Variants in CRYL1 observed in about 807,000 individuals in gnomAD.
CRYL1 encodes the protein crystallin lambda 1, also known as lambda-crystallin homolog.
Under a neutral mutation model 36.6 loss-of-function variants are expected in CRYL1, and 29 were observed. That is an observed-to-expected ratio of 0.79 (90% CI 0.59 to 1.08). CRYL1 has a LOEUF of 1.08. Ranked by LOEUF, CRYL1 falls within the 50% of genes least tolerant of loss-of-function variation. The pLI is 0.00. For synonymous variants in CRYL1, 152 were observed against 151.5 expected, an observed-to-expected ratio of 1.00 and a Z score of -0.02; for missense variants, 411 against 407.9, an observed-to-expected ratio of 1.01 and a Z score of -0.06.
chr13:20,484,407 A>T (rs1224425609), intron 3 of CRYL1, among the ~76,000 whole-genome samples: 1 of 152,182 alleles, frequency 6.6e-6, no homozygotes, highest in Non-Finnish European at 1.5e-5. Context: ...TTTGCCATCA[A>T]ATGGTGACTA....
At chr13:20,409,042 G>T (rs928778524) in intron 6 of CRYL1, among the ~76,000 whole-genome samples, 1 of 152,148 alleles carries the variant, frequency 6.6e-6, no homozygotes, top group African/African-American at 2.4e-5. Flanking sequence ...GCATCACCAA[G>T]TCAGTCCTAA....
intron 3 of CRYL1, among the ~76,000 whole-genome samples, chr13:20,475,024 C>T (rs2033137020): frequency 6.6e-6 from 1 of 152,212 alleles, no homozygotes. Flanking sequence ...CTCCTTCACC[C>T]TCCAACACCC....
chr13:20,430,282 G>A (rs760447570), intron 5 of CRYL1: 15 of 985,146 alleles, frequency 1.5e-5, no homozygotes, highest in African/African-American at 3.5e-5. Flanking sequence ...ACCTCTTCCT[G>A]TTCTGTCACA....
intron 6 of CRYL1, among the ~76,000 whole-genome samples, chr13:20,411,454 T>C (rs2137364835): frequency 6.6e-6 from 1 of 152,302 alleles, no homozygotes; most frequent in African/African-American, 2.4e-5. Flanking sequence ...CTATTTCTTA[T>C]GATTCCTCAA....
intron 3 of CRYL1, among the ~76,000 whole-genome samples, chr13:20,486,696 G>C (rs2033407440): frequency 6.6e-6 from 1 of 152,118 alleles, no homozygotes. Context: ...CTACATAATA[G>C]ATATGGCTCA....
At chr13:20,442,917 A>G (rs2032378581) in intron 3 of CRYL1, among the ~76,000 whole-genome samples, 1 of 152,182 alleles carries the variant, frequency 6.6e-6, no homozygotes, top group South Asian at 2.1e-4. Context: ...ACAACTTCCT[A>G]GTTCTCACAA....
intron 6 of CRYL1, among the ~76,000 whole-genome samples, chr13:20,408,125 G>A (rs994881667): frequency 9.2e-5 from 14 of 152,162 alleles, no homozygotes; most frequent in East Asian, 3.8e-4. Flanking sequence ...AGCACAGAGC[G>A]ACATTATCTC....
chr13:20,421,610 C>T (rs1207525500), intron 5 of CRYL1, among the ~76,000 whole-genome samples: 1 of 152,144 alleles, frequency 6.6e-6, no homozygotes, highest in Non-Finnish European at 1.5e-5. Context: ...CCTCTCTTCT[C>T]TTTGCCTTTT....
At chr13:20,470,965 T>A (rs777839447) in intron 3 of CRYL1, among the ~76,000 whole-genome samples, 7 of 149,962 alleles carry the variant, frequency 4.7e-5, no homozygotes, top group Non-Finnish European at 1.0e-4. Flanking sequence ...GAAGAATCTT[T>A]CTTTAAAAAA....
At chr13:20,476,881 GC>G (rs2033177183) in intron 3 of CRYL1, 1 of 152,364 alleles carries the variant, frequency 6.6e-6, no homozygotes, top group South Asian at 2.1e-4. Flanking sequence ...CTGGGTGTAG[GC>G]CGGGTGCGGT....
chr13:20,477,637 C>T (rs1396845169), intron 3 of CRYL1, among the ~76,000 whole-genome samples: 1 of 147,236 alleles, frequency 6.8e-6, no homozygotes, highest in Non-Finnish European at 1.5e-5. Context: ...TTTAATATTA[C>T]ATATTATCAT....
chr13:20,417,882 A>T (rs1489876819), intron 5 of CRYL1, among the ~76,000 whole-genome samples: 67 of 152,244 alleles, frequency 4.4e-4, no homozygotes, highest in Non-Finnish European at 1.5e-5. Flanking sequence ...AGGTTTAGGG[A>T]TGTATCACTC....
chr13:20,433,786 T>A (rs1366471968), intron 4 of CRYL1: 1 of 154,390 alleles, frequency 6.5e-6, no homozygotes, highest in African/African-American at 2.4e-5. Context: ...AAAAACAGAC[T>A]GAGACAAGGA....
At chr13:20,423,930 C>G (rs2031876283) in intron 5 of CRYL1, among the ~76,000 whole-genome samples, 1 of 151,844 alleles carries the variant, frequency 6.6e-6, no homozygotes, top group African/African-American at 2.4e-5. Context: ...AGCACCACAC[C>G]TGGCTAATTT....
chr13:20,514,334 C>T (rs1315361733), intron 1 of CRYL1, among the ~76,000 whole-genome samples: 1 of 152,162 alleles, frequency 6.6e-6, no homozygotes, highest in Non-Finnish European at 1.5e-5. Flanking sequence ...AAAGTGAAAA[C>T]GATGCTTTAT....
At chr13:20,446,093 AT>A (rs1290321981) in intron 3 of CRYL1, among the ~76,000 whole-genome samples, 1 of 151,594 alleles carries the variant, frequency 6.6e-6, no homozygotes, top group African/African-American at 2.4e-5. Context: ...TTTTCAGTAG[AT>A]TTTTTTTAAT....
chr13:20,524,084 C>G (rs1221288879), intron 1 of CRYL1, among the ~76,000 whole-genome samples: 1 of 152,122 alleles, frequency 6.6e-6, no homozygotes, highest in Non-Finnish European at 1.5e-5. Context: ...GACCCCATCT[C>G]TACCTAAAAA....
intron 6 of CRYL1, among the ~76,000 whole-genome samples, chr13:20,409,251 C>A (rs7988317): frequency 0.74 from 103,435 of 139,826 alleles, 38,712 homozygotes; most frequent in Admixed American, 0.83. Context: ...CAATGGGGAA[C>A]GGATTCCCTA....
intron 2 of CRYL1, among the ~76,000 whole-genome samples, chr13:20,508,219 A>ACAT (rs2033839443): frequency 6.6e-6 from 1 of 152,182 alleles, no homozygotes; most frequent in Admixed American, 6.5e-5. Context: ...ATGGAGACAG[A>ACAT]CATGGTCTCA....
Sources: gnomAD v4.1 joint callset for allele counts (sites outside exome capture counted in the v4.1 genomes callset) on GRCh38, gnomAD v4.1.1 for gene constraint, MANE v1.5 for transcripts, NCBI Gene and HGNC (gene_info 2026-07-23, HGNC 2026-07-21) for gene names.